NTRK2: variants seen among roughly 807,000 people sequenced by gnomAD.
NTRK2 encodes the protein neurotrophic receptor tyrosine kinase 2, also known as BDNF/NT-3 growth factors receptor.
Under a neutral mutation model 94.5 loss-of-function variants are expected in NTRK2, and 13 were observed. That is an observed-to-expected ratio of 0.14 (90% CI 0.09 to 0.22). The LOEUF (loss-of-function observed/expected upper bound fraction) is 0.22, where lower values mean the gene tolerates loss of function less well. Ranked by LOEUF, NTRK2 falls within the 10% of genes least tolerant of loss-of-function variation. NTRK2 has a pLI of 1.00. For synonymous variants in NTRK2, 372 were observed against 407.4 expected, an observed-to-expected ratio of 0.91 and a Z score of 1.05; for missense variants, 639 against 1,071.2, an observed-to-expected ratio of 0.60 and a Z score of 5.63.
At chr9:84,945,891 G>A (rs2078583001) in intron 15 of NTRK2, among the ~76,000 whole-genome samples, 1 of 152,168 alleles carries the variant, frequency 6.6e-6, no homozygotes, top group Non-Finnish European at 1.5e-5. Context: ...AGTGAAAATA[G>A]TATTGATCCC....
chr9:84,714,779 G>T (rs2061610415), intron 6 of NTRK2, among the ~76,000 whole-genome samples: 1 of 152,172 alleles, frequency 6.6e-6, no homozygotes, highest in African/African-American at 2.4e-5. Context: ...CACATCTGTT[G>T]TGTTTAAGTC....
At chr9:84,928,598 C>G (rs1033020287) in intron 14 of NTRK2, among the ~76,000 whole-genome samples, 5 of 152,182 alleles carry the variant, frequency 3.3e-5, no homozygotes, top group Admixed American at 1.3e-4. Context: ...AGGGAGGGAA[C>G]CTGAATCCTA....
chr9:84,948,178 C>A (rs926160561), intron 15 of NTRK2, among the ~76,000 whole-genome samples: 1 of 152,162 alleles, frequency 6.6e-6, no homozygotes, highest in Non-Finnish European at 1.5e-5. Flanking sequence ...GGGAAAGAAG[C>A]CCGTGGGAAT....
chr9:84,975,306 G>C lies in NTRK2; in HGVS notation c.2172+19789G>C, dbSNP rs75410255. ...TCACTTCTAAACAAGCACTCCCCCT[G>C]CCCCTTTTTCCTGACCCCTAGAACA... On this transcript the variant is annotated intron_variant, in intron 17 of 18. Transcript: ENST00000277120. 1.7e-3 allele frequency among the ~76,000 whole-genome samples: 258 copies of C among 152,168 alleles called. 1 individual carries two copies. Among genetic ancestry groups the C allele is most frequent in the African/African-American group, 5.9e-3 (247 of 41,514 alleles).
chr9:84,936,621 G>C (rs1437093742), intron 15 of NTRK2, among the ~76,000 whole-genome samples: 1 of 152,104 alleles, frequency 6.6e-6, no homozygotes, highest in African/African-American at 2.4e-5. Flanking sequence ...TATTTGCAAA[G>C]TAATGACCTA....
intron 2 of NTRK2, among the ~76,000 whole-genome samples, chr9:84,676,937 TTC>T (rs1473623870): frequency 6.9e-6 from 1 of 143,990 alleles, no homozygotes; most frequent in Non-Finnish European, 1.5e-5. Flanking sequence ...GAAATATATT[TTC>T]TGTTTAGCTT....
At chr9:84,964,352 A>G (rs918286407) in intron 17 of NTRK2, among the ~76,000 whole-genome samples, 1 of 152,196 alleles carries the variant, frequency 6.6e-6, no homozygotes, top group African/African-American at 2.4e-5. Context: ...TACTCTGCCC[A>G]ATGCCCCATG....
At chr9:84,774,786 G>T (rs1317143759) in intron 12 of NTRK2, among the ~76,000 whole-genome samples, 1 of 152,068 alleles carries the variant, frequency 6.6e-6, no homozygotes, top group Non-Finnish European at 1.5e-5. Flanking sequence ...CTTTTCAAAA[G>T]AAATAGTCAC....
intron 11 of NTRK2, among the ~76,000 whole-genome samples, chr9:84,745,389 C>T (rs1588317014): frequency 6.6e-6 from 1 of 152,120 alleles, no homozygotes; most frequent in East Asian, 1.9e-4. Context: ...TCATACCTGT[C>T]TCCTTAAATT....
At chr9:84,739,695 A>C (rs1218412661) in intron 9 of NTRK2, among the ~76,000 whole-genome samples, 1 of 152,102 alleles carries the variant, frequency 6.6e-6, no homozygotes, top group African/African-American at 2.4e-5. Context: ...CCTGAGAATA[A>C]ATCAGTGGCC....
At chr9:84,901,299 T>C (rs2076922742) in intron 14 of NTRK2, among the ~76,000 whole-genome samples, 1 of 151,910 alleles carries the variant, frequency 6.6e-6, no homozygotes, top group African/African-American at 2.4e-5. Context: ...CTTGGCTCAC[T>C]GCAACCTCTG....
intron 14 of NTRK2, among the ~76,000 whole-genome samples, chr9:84,910,136 T>G (rs1318407740): frequency 6.6e-6 from 1 of 152,180 alleles, no homozygotes; most frequent in Non-Finnish European, 1.5e-5. Context: ...TTAGGAGATT[T>G]GATTTTTGCC....
chr9:84,847,476 T>C (rs2074527056), intron 12 of NTRK2, among the ~76,000 whole-genome samples: 1 of 152,214 alleles, frequency 6.6e-6, no homozygotes, highest in East Asian at 1.9e-4. Flanking sequence ...ATCCATCTTT[T>C]GGCTCTTTTC....
intron 2 of NTRK2, among the ~76,000 whole-genome samples, chr9:84,692,796 C>T (rs1243715232): frequency 6.6e-6 from 1 of 152,076 alleles, no homozygotes; most frequent in African/African-American, 2.4e-5. Context: ...TGCTAGTCTC[C>T]TGGTAGCATT....
chr9:84,823,979 C>T (rs946444255), intron 12 of NTRK2, among the ~76,000 whole-genome samples: 7 of 152,112 alleles, frequency 4.6e-5, no homozygotes, highest in East Asian at 3.9e-4. Flanking sequence ...TGCCTGGGAC[C>T]GGTATGGGGA....
chr9:84,742,812 T>TC (rs2063760490), intron 10 of NTRK2, among the ~76,000 whole-genome samples: 1 of 55,296 alleles, frequency 1.8e-5, no homozygotes, highest in South Asian at 7.2e-4. Context: ...TTTTTTTTTT[T>TC]TTTTCCGAGA....
chr9:84,699,099 T>C (rs1402652964), intron 2 of NTRK2, among the ~76,000 whole-genome samples: 3 of 151,104 alleles, frequency 2.0e-5, no homozygotes, highest in Non-Finnish European at 4.4e-5. Context: ...TGCAGTGGTG[T>C]GATCTCGGCT....
chr9:84,742,406 C>G (rs1049161944), intron 10 of NTRK2, among the ~76,000 whole-genome samples: 16 of 152,314 alleles, frequency 1.1e-4, no homozygotes, highest in African/African-American at 3.6e-4. Context: ...CCCAAGTTCC[C>G]TTCACCCTAC....
At chr9:84,910,093 T>C (rs1000894322) in intron 14 of NTRK2, among the ~76,000 whole-genome samples, 10 of 152,196 alleles carry the variant, frequency 6.6e-5, no homozygotes, top group Non-Finnish European at 1.3e-4. Context: ...CCATGATTCA[T>C]ATTTTATTTA....
Sources: gnomAD v4.1 joint callset for allele counts (sites outside exome capture counted in the v4.1 genomes callset) on GRCh38, gnomAD v4.1.1 for gene constraint, MANE v1.5 for transcripts, NCBI Gene and HGNC (gene_info 2026-07-23, HGNC 2026-07-21) for gene names.